The following PPFIA2 variants were observed in gnomAD, a reference collection of about 807,000 sequenced individuals.
The protein encoded by PPFIA2 is liprin-alpha-2.
PPFIA2 carries 46 observed loss-of-function variants against 175.5 expected under a neutral mutation model. That is an observed-to-expected ratio of 0.26 (90% CI 0.21 to 0.34). The LOEUF (loss-of-function observed/expected upper bound fraction) is 0.34. Among genes scored for constraint, PPFIA2 ranks in the 10% least tolerant of loss-of-function variants. PPFIA2 has a pLI of 1.00. For missense variants in PPFIA2, 1,179 were observed against 1,506.1 expected (o/e 0.78, Z 3.60); for synonymous variants, 568 against 511.4 (o/e 1.11, Z -1.49).
intron 4 of PPFIA2, among the ~76,000 whole-genome samples, chr12:81,562,620 G>A (rs1446450285): frequency 6.6e-6 from 1 of 151,634 alleles, no homozygotes; most frequent in Non-Finnish European, 1.5e-5. Context: ...GGCCGAGGCG[G>A]GCGGATCACG....
At chr12:81,275,804 G>A (rs2040355714) in intron 28 of PPFIA2, among the ~76,000 whole-genome samples, 1 of 149,258 alleles carries the variant, frequency 6.7e-6, no homozygotes, top group Non-Finnish European at 1.5e-5. Context: ...TCTTGAGACG[G>A]AGTCTTGCTC....
intron 3 of PPFIA2, among the ~76,000 whole-genome samples, chr12:81,697,149 A>G (rs2075989183): frequency 6.6e-6 from 1 of 152,142 alleles, no homozygotes; most frequent in Non-Finnish European, 1.5e-5. Context: ...TTTAAAATGT[A>G]TAATGAATTA....
At chr12:81,269,406 A>T (rs1006353733) in intron 28 of PPFIA2, among the ~76,000 whole-genome samples, 1 of 152,238 alleles carries the variant, frequency 6.6e-6, no homozygotes, top group Non-Finnish European at 1.5e-5. Context: ...AAGTATAAAA[A>T]TCTTTCAGGA....
Position 81,754,201 on chromosome 12 carries a change from G to C in PPFIA2, c.21C>G (p.Pro7=). The change falls in exon 3 of 33, where the codon CCC becomes CCG. Residue 7 remains proline, a synonymous_variant. Transcript: ENST00000549396. ...TCATTGGGGTGTCCTCATTAATCGT[G>C]GGCATCACTTCACACATCATTGCTT... is the stretch of plus-strand genomic sequence containing the variant. The part of the protein sequence containing the change: MMCEVM[P]TINEDTPMSQ... The C allele has an allele frequency of 6.2e-7, 1 of 1,606,034 alleles. No homozygotes were observed. Among genetic ancestry groups the C allele is most frequent in the South Asian group, 1.1e-5 (1 of 89,582 alleles).
intron 4 of PPFIA2, among the ~76,000 whole-genome samples, chr12:81,524,322 A>AT (rs992220545): frequency 8.5e-5 from 13 of 152,282 alleles, no homozygotes; most frequent in African/African-American, 3.1e-4. Context: ...CCTGGAGCCC[A>AT]TTTGCCCAGT....
At chr12:81,575,133 T>C (rs959237092) in intron 4 of PPFIA2, among the ~76,000 whole-genome samples, 2 of 151,872 alleles carry the variant, frequency 1.3e-5, no homozygotes, top group African/African-American at 4.8e-5. Context: ...CCTAAGAATG[T>C]TACATTTCTA....
intron 4 of PPFIA2, among the ~76,000 whole-genome samples, chr12:81,602,167 T>C (rs995038596): frequency 4.0e-5 from 6 of 151,816 alleles, no homozygotes; most frequent in Admixed American, 1.3e-4. Context: ...ACTTGTCTCT[T>C]GAAATGAGCA....
At chr12:81,720,821 TTTTG>T (rs1308157329) in intron 3 of PPFIA2, among the ~76,000 whole-genome samples, 1 of 151,394 alleles carries the variant, frequency 6.6e-6, no homozygotes, top group Non-Finnish European at 1.5e-5. Flanking sequence ...AATAAATTTT[TTTTG>T]TTTGTTTTTT....
At chr12:81,581,300 C>T (rs542802856) in intron 4 of PPFIA2, among the ~76,000 whole-genome samples, 1 of 151,824 alleles carries the variant, frequency 6.6e-6, no homozygotes, top group Admixed American at 6.6e-5. Context: ...CATGATTAAA[C>T]GAGGTCCAGA....
chr12:81,422,744 C>T (rs963156043), intron 7 of PPFIA2, among the ~76,000 whole-genome samples: 11 of 152,006 alleles, frequency 7.2e-5, no homozygotes, highest in Non-Finnish European at 1.2e-4. Flanking sequence ...TCCCACAACA[C>T]GTGGGAATTC....
chr12:81,505,834 G>A (rs559337400), intron 4 of PPFIA2: 1 of 152,468 alleles, frequency 6.6e-6, no homozygotes, highest in East Asian at 1.9e-4. Flanking sequence ...TCAGTCCTTA[G>A]AAATAGGCTC....
chr12:81,364,020 A>T (rs1041434576), intron 14 of PPFIA2, among the ~76,000 whole-genome samples: 3 of 151,912 alleles, frequency 2.0e-5, no homozygotes, highest in African/African-American at 2.4e-5. Context: ...AGTAATATAG[A>T]AATATAGCAT....
intron 4 of PPFIA2, among the ~76,000 whole-genome samples, chr12:81,591,147 C>CAAAGGTGAA (rs2058630453): frequency 2.5e-4 from 10 of 40,678 alleles, no homozygotes; most frequent in Non-Finnish European, 3.9e-4. Flanking sequence ...GCAAAGGTGA[C>CAAAGGTGAA]CCTTGTTATG....
intron 4 of PPFIA2, among the ~76,000 whole-genome samples, chr12:81,549,073 C>A (rs1490760292): frequency 6.6e-6 from 1 of 152,058 alleles, no homozygotes; most frequent in Admixed American, 6.6e-5. Flanking sequence ...CCATAGCTTG[C>A]CTCCACACAA....
At chr12:81,580,808 T>C (rs1287165557) in intron 4 of PPFIA2, among the ~76,000 whole-genome samples, 4 of 151,706 alleles carry the variant, frequency 2.6e-5, no homozygotes, top group Admixed American at 6.6e-5. Context: ...GATAATTACA[T>C]ATATCCTTTA....
intron 3 of PPFIA2, among the ~76,000 whole-genome samples, chr12:81,690,383 A>C (rs950599472): frequency 6.6e-6 from 1 of 152,092 alleles, no homozygotes; most frequent in African/African-American, 2.4e-5. Context: ...ATTATTGGCA[A>C]ATTAGGCAGG....
intron 7 of PPFIA2, among the ~76,000 whole-genome samples, chr12:81,435,771 T>C (rs1262125326): frequency 1.3e-5 from 2 of 152,062 alleles, no homozygotes; most frequent in African/African-American, 4.8e-5. Context: ...CTCTTAATTA[T>C]CCGTTCTGAA....
chr12:81,385,089 G>A (rs2038629581), intron 8 of PPFIA2, among the ~76,000 whole-genome samples: 1 of 152,054 alleles, frequency 6.6e-6, no homozygotes, highest in Non-Finnish European at 1.5e-5. Context: ...CAGATGACCA[G>A]CAGATACATG....
At chr12:81,566,908 A>G (rs1372413827) in intron 4 of PPFIA2, among the ~76,000 whole-genome samples, 1 of 152,252 alleles carries the variant, frequency 6.6e-6, no homozygotes, top group African/African-American at 2.4e-5. Flanking sequence ...ATACGTGTGT[A>G]CTGTAAGAAA....
Sources: allele counts gnomAD v4.1 joint callset (sites outside exome capture counted in the v4.1 genomes callset), GRCh38; gene constraint gnomAD v4.1.1; transcripts MANE v1.5; gene names NCBI Gene and HGNC (gene_info 2026-07-23, HGNC 2026-07-21).